Variants in MICU1 observed in about 807,000 individuals in gnomAD.
MICU1 encodes the protein calcium uptake protein 1, mitochondrial.
MICU1 carries 45 observed loss-of-function variants against 56.8 expected under a neutral mutation model. The observed-to-expected ratio is 0.79, with a 90% CI of 0.62 to 1.02. The LOEUF (loss-of-function observed/expected upper bound fraction) is 1.02, where lower values mean the gene tolerates loss of function less well. MICU1 is among the 50% of genes least tolerant of loss of function. The probability of loss-of-function intolerance (pLI) is 0.00; values close to 1 mark genes in which losing one functional copy is unlikely to be tolerated. For missense variants in MICU1, 504 were observed against 587.1 expected (o/e 0.86, Z 1.46); for synonymous variants, 186 against 195.1 (o/e 0.95, Z 0.39).
intron 1 of MICU1, among the ~76,000 whole-genome samples, chr10:72,589,672 T>C: frequency 6.6e-6 from 1 of 152,110 alleles, no homozygotes; most frequent in African/African-American, 2.4e-5. Flanking sequence ...AGTAGGGAAC[T>C]ATGGTATTAA....
chr10:72,430,720 C>T (rs1343613686), intron 8 of MICU1, among the ~76,000 whole-genome samples: 2 of 152,098 alleles, frequency 1.3e-5, no homozygotes, highest in Non-Finnish European at 2.9e-5. Context: ...GCCACCACGC[C>T]TGGCTAATTT....
chr10:72,443,196 C>T lies in MICU1; in HGVS notation c.934-19825G>A, dbSNP rs182837944. On this transcript the variant is annotated intron_variant, in intron 8 of 11. Coordinates refer to ENST00000361114, the MANE Select transcript of MICU1 (RefSeq NM_001195518.2). Reference sequence around the variant, plus strand: ...TTGAGAAGTGTCTGTTCATGTCCTTCGCCCACTTTTTGATGGGGTTGTTTG... The same window carrying T: ...TTGAGAAGTGTCTGTTCATGTCCTTTGCCCACTTTTTGATGGGGTTGTTTG... Among the ~76,000 whole-genome samples, 319 of 152,224 alleles carry T rather than the reference C, an allele frequency of 2.1e-3. 3 individuals carry two copies. The highest frequency in any genetic ancestry group is 7.0e-3 in the African/African-American group (291 of 41,548).
At chr10:72,548,467 A>G (rs1031448582) in intron 4 of MICU1, among the ~76,000 whole-genome samples, 1 of 152,202 alleles carries the variant, frequency 6.6e-6, no homozygotes, top group African/African-American at 2.4e-5. Flanking sequence ...TATTGTTTTT[A>G]AAGTTCTTAT....
intron 6 of MICU1, among the ~76,000 whole-genome samples, chr10:72,506,627 A>C (rs1228824675): frequency 6.6e-6 from 1 of 152,202 alleles, no homozygotes; most frequent in African/African-American, 2.4e-5. Flanking sequence ...TTTCCACTAA[A>C]TATTAGGCAC....
At chr10:72,523,240 A>G (rs1344256606) in intron 5 of MICU1, among the ~76,000 whole-genome samples, 3 of 152,324 alleles carry the variant, frequency 2.0e-5, no homozygotes, top group African/African-American at 7.2e-5. Context: ...GTCCTACCAT[A>G]ATCAGAGAAC....
intron 1 of MICU1, among the ~76,000 whole-genome samples, chr10:72,591,344 T>C (rs1216349098): frequency 6.7e-6 from 1 of 149,982 alleles, no homozygotes; most frequent in Non-Finnish European, 1.5e-5. Context: ...ACAAACTAAA[T>C]CTAAAGTTAG....
At chr10:72,384,312 C>T (rs1017274727) in intron 10 of MICU1, among the ~76,000 whole-genome samples, 5 of 152,222 alleles carry the variant, frequency 3.3e-5, no homozygotes, top group Non-Finnish European at 4.4e-5. Context: ...TCTTATTAAA[C>T]CTTCCGAGGC....
chr10:72,608,986 C>A (rs1188944476), intron 1 of MICU1, among the ~76,000 whole-genome samples: 2 of 152,164 alleles, frequency 1.3e-5, no homozygotes, highest in African/African-American at 4.8e-5. Context: ...ACAAATCATT[C>A]TTTGCTCAAT....
chr10:72,513,046 C>T (rs1867530623), intron 5 of MICU1, among the ~76,000 whole-genome samples: 1 of 152,028 alleles, frequency 6.6e-6, no homozygotes, highest in African/African-American at 2.4e-5. Flanking sequence ...CTCTGTCGCA[C>T]AGGATGAAAT....
intron 11 of MICU1, among the ~76,000 whole-genome samples, chr10:72,375,287 G>C (rs1332539597): frequency 6.6e-6 from 1 of 152,126 alleles, no homozygotes; most frequent in Admixed American, 6.6e-5. Flanking sequence ...TAATGCCAAG[G>C]TCAAACCAGA....
intron 6 of MICU1, among the ~76,000 whole-genome samples, chr10:72,495,944 G>A (rs1271823240): frequency 1.3e-5 from 2 of 151,852 alleles, no homozygotes; most frequent in African/African-American, 4.8e-5. Context: ...GTAAATTATG[G>A]TATTCATACT....
At chr10:72,510,335 T>C (rs1346786607) in intron 5 of MICU1, among the ~76,000 whole-genome samples, 1 of 152,202 alleles carries the variant, frequency 6.6e-6, no homozygotes, top group Non-Finnish European at 1.5e-5. Flanking sequence ...TTTTTACCAA[T>C]TCACCAACAG....
At chr10:72,559,311 A>C (rs1034930060) in intron 3 of MICU1, among the ~76,000 whole-genome samples, 8 of 152,214 alleles carry the variant, frequency 5.3e-5, no homozygotes, top group African/African-American at 1.9e-4. Context: ...TGTATTTTTA[A>C]TACTCATTTC....
intron 8 of MICU1, among the ~76,000 whole-genome samples, chr10:72,461,111 G>T (rs982545981): frequency 1.3e-5 from 2 of 152,088 alleles, no homozygotes; most frequent in African/African-American, 4.8e-5. Context: ...GTCTTGTCTT[G>T]CTCCCTAATT....
intron 4 of MICU1, among the ~76,000 whole-genome samples, chr10:72,542,565 C>T (rs941767498): frequency 1.3e-5 from 2 of 152,150 alleles, no homozygotes; most frequent in Non-Finnish European, 2.9e-5. Context: ...GAGCAAACGC[C>T]GTACGGGCCA....
Position 72,408,039 on chromosome 10 carries a change from T to C in MICU1, c.1072-2A>G, listed in dbSNP as rs780894672. ...CTCCACCTCCTGAAATGTCAGACCC[T>C]GCAAGAGGAGAGACAGCAAGGTAAG... On this transcript the variant is annotated splice_acceptor_variant, in intron 9 of 11. Coordinates refer to ENST00000361114, the MANE Select transcript of MICU1 (RefSeq NM_001195518.2). LOFTEE classifies it high-confidence loss of function. The C allele has an allele frequency of 6.2e-7, 1 of 1,606,486 alleles. No individual in the cohort carries two copies. Among genetic ancestry groups the C allele is most frequent in the South Asian group, 1.1e-5 (1 of 90,642 alleles).
intron 6 of MICU1, chr10:72,501,804 C>T (rs1867076921): frequency 6.6e-6 from 1 of 152,288 alleles, no homozygotes; most frequent in East Asian, 1.9e-4. Flanking sequence ...CGAGATATTT[C>T]TGCCAGATTG....
At chr10:72,429,319 C>T (rs1721534455) in intron 8 of MICU1, among the ~76,000 whole-genome samples, 1 of 149,870 alleles carries the variant, frequency 6.7e-6, no homozygotes, top group African/African-American at 2.5e-5. Context: ...ACTTGGGAGG[C>T]TGAGGCAAGG....
In MICU1 at chr10:72,437,354, T is replaced by C. The variant is rs779350749; in HGVS notation, c.934-13983A>G. Among the ~76,000 whole-genome samples, 4 of 152,190 alleles carry C rather than the reference T, an allele frequency of 2.6e-5. No individual in the cohort carries two copies. In the South Asian group the frequency reaches 8.3e-4, roughly 31 times the overall value. On this transcript the variant is annotated intron_variant, in intron 8 of 11. Transcript: ENST00000361114. ...ACAGACAAGCAAATGCCAAGAGATT[T>C]TGTCACCACCAGGCCTGACTTACAG...
Sources: gnomAD v4.1 joint callset for allele counts (sites outside exome capture counted in the v4.1 genomes callset) on GRCh38, gnomAD v4.1.1 for gene constraint, MANE v1.5 for transcripts, NCBI Gene and HGNC (gene_info 2026-07-23, HGNC 2026-07-21) for gene names.